SLC45A4: variants seen among roughly 807,000 people sequenced by gnomAD.
SLC45A4 encodes solute carrier family 45 member 4.
Under a neutral mutation model 63.7 loss-of-function variants are expected in SLC45A4, and 32 were observed. The observed-to-expected ratio is 0.50, with a 90% CI of 0.38 to 0.67. The LOEUF is 0.67. Among genes scored for constraint, SLC45A4 ranks in the 30% least tolerant of loss-of-function variants. The pLI, the probability that SLC45A4 is intolerant of heterozygous loss-of-function variation, is 0.00. For missense variants in SLC45A4, 1,027 were observed against 1,157.7 expected (o/e 0.89, Z 1.64); for synonymous variants, 535 against 510.0 (o/e 1.05, Z -0.66).
rs147154164 is a variant in SLC45A4 at position 141,236,864 on chromosome 8, G to A, written c.242-15099C>T. On this transcript the variant is annotated intron_variant, in intron 2 of 8. Transcript: ENST00000517878. Reference sequence around the variant, plus strand: ...GGCGGTGCCCAGTGGATGAGGGCGCGGAGGGCTGGCCAGAGGGTAGCACTA... The same window carrying A: ...GGCGGTGCCCAGTGGATGAGGGCGCAGAGGGCTGGCCAGAGGGTAGCACTA... Among the ~76,000 whole-genome samples the A allele has an allele frequency of 4.8e-3, 732 of 152,326 alleles. 9 individuals are homozygous for A. The highest frequency in any genetic ancestry group is 0.016 in the African/African-American group (683 of 41,578).
chr8:141,224,457 T>C (rs901768439), intron 2 of SLC45A4: 7 of 152,234 alleles, frequency 4.6e-5, no homozygotes, highest in Middle Eastern at 3.2e-3. Context: ...TTTTTGGTTT[T>C]GTTTTGTTTT....
At chr8:141,236,894 A>G (rs1039237963) in intron 2 of SLC45A4, among the ~76,000 whole-genome samples, 2 of 152,136 alleles carry the variant, frequency 1.3e-5, no homozygotes, top group African/African-American at 4.8e-5. Context: ...GCACTAACAC[A>G]TGGCCCACAG....
rs1002576142 is a variant in SLC45A4 at position 141,228,957 on chromosome 8, G to A, written c.242-7192C>T. Among the ~76,000 whole-genome samples the A allele has an allele frequency of 5.2e-4, 79 of 151,882 alleles. 1 individual carries two copies. The highest frequency in any genetic ancestry group is 1.9e-4 in the East Asian group (1 of 5,180). ...AGGACCCCGGGCACCAACACCACCC[G>A]CCCCACAGCCCACCTGGCGCCAGGT... On this transcript the variant is annotated intron_variant, in intron 2 of 8. Coordinates refer to ENST00000517878, the MANE Select transcript of SLC45A4 (RefSeq NM_001286646.2).
chr8:141,273,318 G>A (rs905623681), intron 1 of SLC45A4, among the ~76,000 whole-genome samples: 3 of 152,186 alleles, frequency 2.0e-5, no homozygotes, highest in African/African-American at 7.2e-5. Context: ...GCCAGGGTCC[G>A]AAGGACGCTT....
chr8:141,279,169 C>T (rs1022818540), intron 1 of SLC45A4, among the ~76,000 whole-genome samples: 8 of 152,244 alleles, frequency 5.3e-5, no homozygotes, highest in South Asian at 2.1e-4. Context: ...AAGGAAGGGC[C>T]GATGCTCGTG....
At chr8:141,255,348 G>A (rs1029710263) in intron 1 of SLC45A4, among the ~76,000 whole-genome samples, 3 of 152,100 alleles carry the variant, frequency 2.0e-5, no homozygotes, top group Non-Finnish European at 1.5e-5. Flanking sequence ...CAAAGCACTA[G>A]GATTTACAAG....
intron 4 of SLC45A4, 62 bp from the exon 5 acceptor site, chr8:141,219,091 T>G: frequency 1.3e-4 from 207 of 1,541,398 alleles, no homozygotes; most frequent in Non-Finnish European, 1.7e-4. Context: ...GGGGAAGCTC[T>G]GGGAGGGCCT....
rs988552179 is a variant in SLC45A4, at chr8:141,215,481, G to A, written c.1941+278C>T. Among the ~76,000 whole-genome samples, 3 of 152,244 alleles carry A rather than the reference G, an allele frequency of 2.0e-5. No homozygotes were observed. The highest frequency in any genetic ancestry group is 2.0e-4 in the Admixed American group (3 of 15,298). ...TCAGGGAAATGTGACTGGGCCTGAG[G>A]GGACCAAAGGGGCAGGGACAGTGCT... On this transcript the variant is annotated intron_variant, in intron 7 of 8. Transcript: ENST00000517878. This position sits in a 1 kb window ranked among gnomAD's most constrained non-coding sequence, Gnocchi z 4.3.
At chr8:141,255,962 T>C (rs965216589) in intron 1 of SLC45A4, among the ~76,000 whole-genome samples, 1 of 152,056 alleles carries the variant, frequency 6.6e-6, no homozygotes, top group African/African-American at 2.4e-5. Context: ...CTATAGTACC[T>C]AGGGGTTCGG....
chr8:141,271,993 C>G (rs1829555167), intron 1 of SLC45A4, among the ~76,000 whole-genome samples: 1 of 152,086 alleles, frequency 6.6e-6, no homozygotes, highest in South Asian at 2.1e-4. Flanking sequence ...TGCACCCATA[C>G]ACGTGTGCAT....
At chr8:141,228,815 A>C (rs990430497) in intron 2 of SLC45A4, among the ~76,000 whole-genome samples, 2 of 152,168 alleles carry the variant, frequency 1.3e-5, no homozygotes, top group Non-Finnish European at 2.9e-5. Context: ...GAGAGAAAGG[A>C]AAGTTCTAAT....
chr8:141,267,377 G>C (rs554364271), intron 1 of SLC45A4, among the ~76,000 whole-genome samples: 5 of 152,264 alleles, frequency 3.3e-5, no homozygotes, highest in Admixed American at 6.5e-5. Flanking sequence ...GCTCACCAGC[G>C]AGCGTACGGC....
chr8:141,265,982 C>T (rs1400943874), intron 1 of SLC45A4, among the ~76,000 whole-genome samples: 1 of 152,216 alleles, frequency 6.6e-6, no homozygotes, highest in Non-Finnish European at 1.5e-5. Flanking sequence ...GATGCCAAAA[C>T]ACATGACTTC....
intron 1 of SLC45A4, among the ~76,000 whole-genome samples, chr8:141,280,245 T>TG (rs1488164177): frequency 5.3e-5 from 8 of 152,260 alleles, no homozygotes; most frequent in Non-Finnish European, 1.2e-4. Flanking sequence ...CACCCTGTCC[T>TG]GGGGTCACTG....
At chr8:141,255,330 C>T (rs776071719) in intron 1 of SLC45A4, among the ~76,000 whole-genome samples, 4 of 152,172 alleles carry the variant, frequency 2.6e-5, no homozygotes, top group Non-Finnish European at 5.9e-5. Flanking sequence ...TACCCTGCCT[C>T]GGCCTCCCAA....
In SLC45A4 at chr8:141,287,308, C is replaced by A. The variant is rs530266700; in HGVS notation, c.-401+20788G>T. 4.6e-5 allele frequency among the ~76,000 whole-genome samples: 7 copies of A among 152,322 alleles called. No homozygotes were observed. In the East Asian group the frequency reaches 9.6e-4, roughly 21 times the overall value. ...TAACCGCAGCTATGAAAACCTCTCC[C>A]GGCGGATACTAACTACAGCATCGTG... On this transcript the variant is annotated intron_variant, in intron 1 of 8. Transcript: ENST00000517878.
chr8:141,212,633 A>T (rs1023369356), intron 7 of SLC45A4, 77 bp from the exon 8 acceptor site: 2 of 1,462,990 alleles, frequency 1.4e-6, no homozygotes, highest in African/African-American at 1.4e-5. Context: ...TGTGAGTATT[A>T]ACCCACAAGC....
chr8:141,267,163 G>C (rs1473507461), intron 1 of SLC45A4, among the ~76,000 whole-genome samples: 2 of 152,264 alleles, frequency 1.3e-5, no homozygotes, highest in African/African-American at 4.8e-5. Flanking sequence ...GGAGACTTCC[G>C]TGACACTTCC....
rs1829820241 is a variant in SLC45A4 at position 141,278,552 on chromosome 8, A to AG, written c.-400-23924dup. On this transcript the variant is annotated intron_variant, in intron 1 of 8. Transcript: ENST00000517878. The surrounding 1 kb of genome is among the most constrained non-coding windows in gnomAD (Gnocchi z 4.1). ...CGAGGACACTGGTGAGACAGGGGTG[A>AG]GCACCTGCAGTGGAGGTGGGGCGGG... is the stretch of plus-strand genomic sequence containing the variant. Among the ~76,000 whole-genome samples the AG allele has an allele frequency of 6.6e-6, 1 of 151,928 alleles. No homozygotes were observed.
Sources: allele counts gnomAD v4.1 joint callset (sites outside exome capture counted in the v4.1 genomes callset), GRCh38; gene constraint gnomAD v4.1.1; non-coding constraint Gnocchi (gnomAD v3.1); transcripts MANE v1.5; gene names NCBI Gene and HGNC (gene_info 2026-07-23, HGNC 2026-07-21).